The following TXLNB variants were observed in gnomAD, a reference collection of about 807,000 sequenced individuals.
TXLNB encodes taxilin beta, also known as beta-taxilin.
A neutral mutation model predicts 57.4 loss-of-function variants in TXLNB; 37 were observed. The observed-to-expected ratio is 0.64, with a 90% CI of 0.50 to 0.85. The LOEUF is 0.85. Among genes scored for constraint, TXLNB ranks in the 40% least tolerant of loss-of-function variants. The probability of loss-of-function intolerance (pLI) is 0.00; values close to 1 mark genes in which losing one functional copy is unlikely to be tolerated. For missense variants in TXLNB, 848 were observed against 825.6 expected, an observed-to-expected ratio of 1.03 and a Z score of -0.33; for synonymous variants, 302 against 309.6, an observed-to-expected ratio of 0.98 and a Z score of 0.26.
At position 139,240,452 on chromosome 6, in the gene TXLNB, C is replaced by A. The variant is rs1194661320; in HGVS notation, c.*2074G>T. The A allele has an allele frequency of 6.6e-6, 1 of 152,570 alleles. No individual in the cohort carries two copies. Among genetic ancestry groups the A allele is most frequent in the East Asian group, 1.9e-4 (1 of 5,194 alleles). 9.5% of individuals were successfully genotyped at this position (152,570 alleles called of 1,614,324 possible). A position where few individuals can be genotyped will look rare whatever the true frequency, so the allele number is the denominator to read the frequency against. The stretch of plus-strand genomic sequence containing the variant: ...GGGTTTTAGAATATTTGATTTACTG[C>A]CTTTGGGTTCCTCTGCTGCCTGTTT... On this transcript the variant is annotated 3_prime_UTR_variant, in exon 10 of 10. Transcript: ENST00000358430.
chr6:139,296,767 C>G (rs545990803), upstream of TXLNB, among the ~76,000 whole-genome samples: 1 of 152,080 alleles, frequency 6.6e-6, no homozygotes, highest in Non-Finnish European at 1.5e-5. Flanking sequence ...AACAAACAAG[C>G]CAGGTGTGAT....
At chr6:139,213,273 C>T in the TXLNB span, among the ~76,000 whole-genome samples, 4 of 152,266 alleles carry the variant, frequency 2.6e-5, 1 homozygote, top group Admixed American at 1.3e-4. Context: ...TTATAACAAA[C>T]GGTCTCTCGG....
At chr6:139,231,054 C>T in the TXLNB span, among the ~76,000 whole-genome samples, 10 of 152,168 alleles carry the variant, frequency 6.6e-5, no homozygotes, top group African/African-American at 2.4e-4. Context: ...TCCCAGAAAA[C>T]TGCACATACC....
Position 139,255,388 on chromosome 6 carries a change from T to C in TXLNB, c.1077+176A>G, listed in dbSNP as rs184706416. 69 of 681,218 alleles carry C rather than the reference T, an allele frequency of 1.0e-4. 2 individuals are homozygous for C. Among genetic ancestry groups the C allele is most frequent in the African/African-American group, 9.3e-4 (52 of 56,028 alleles). The allele number at this position is 681,218 out of a possible 1,614,324, so 42.2% of individuals were successfully genotyped here. On this transcript the variant is annotated intron_variant, in intron 7 of 9. Coordinates refer to ENST00000358430, the MANE Select transcript of TXLNB (RefSeq NM_153235.4). ...CATTTCTTTTTCATAGATATAATAT[T>C]GTGCTTTTATTTTTACTTGAAAATA...
the TXLNB span, among the ~76,000 whole-genome samples, chr6:139,213,263 T>G: frequency 6.6e-6 from 1 of 152,100 alleles, no homozygotes; most frequent in Non-Finnish European, 1.5e-5. Flanking sequence ...AGAACAGAAA[T>G]TATAACAAAC....
At chr6:139,237,856 A>G (rs1582982392), downstream of TXLNB, among the ~76,000 whole-genome samples, 1 of 152,206 alleles carries the variant, frequency 6.6e-6, no homozygotes, top group Non-Finnish European at 1.5e-5. Context: ...AAAATTCAGC[A>G]GGAAGAAGGA....
At chr6:139,166,466 C>T in the TXLNB span, 2 of 1,614,142 alleles carry the variant, frequency 1.2e-6, no homozygotes, top group Admixed American at 1.7e-5. Flanking sequence ...CGGCCGCGCG[C>T]GCAGCTGGAA....
chr6:139,320,249 A>G, the TXLNB span, among the ~76,000 whole-genome samples: 1 of 152,204 alleles, frequency 6.6e-6, no homozygotes, highest in African/African-American at 2.4e-5. Flanking sequence ...GTCCTAATTC[A>G]TCAATTTGGG....
chr6:139,245,000 G>A (rs902688853), intron 8 of TXLNB, among the ~76,000 whole-genome samples: 1 of 152,198 alleles, frequency 6.6e-6, no homozygotes, highest in Non-Finnish European at 1.5e-5. Flanking sequence ...CCATGAACAA[G>A]CCTGTAATTT....
the TXLNB span, among the ~76,000 whole-genome samples, chr6:139,310,970 C>T: frequency 1.3e-5 from 2 of 152,258 alleles, no homozygotes; most frequent in Non-Finnish European, 2.9e-5. Flanking sequence ...GCTGGGATTA[C>T]AGGCGTGAGC....
chr6:139,323,102 T>C, the TXLNB span, among the ~76,000 whole-genome samples: 4,842 of 152,240 alleles, frequency 0.032, 257 homozygotes, highest in African/African-American at 0.11. Context: ...CAGTAAGAAG[T>C]TTCATTTTGG....
chr6:139,252,652 C>A (rs1776237878), intron 7 of TXLNB, among the ~76,000 whole-genome samples: 1 of 152,190 alleles, frequency 6.6e-6, no homozygotes, highest in Non-Finnish European at 1.5e-5. Flanking sequence ...TGAATAGCAT[C>A]TTGAGATCAT....
At chr6:139,212,127 A>C in the TXLNB span, among the ~76,000 whole-genome samples, 2 of 152,202 alleles carry the variant, frequency 1.3e-5, no homozygotes, top group African/African-American at 2.4e-5. Flanking sequence ...AATACAGAGA[A>C]CACCACAAAG....
chr6:139,256,217 CACA>C (rs1302444500), intron 6 of TXLNB, among the ~76,000 whole-genome samples: 1 of 152,194 alleles, frequency 6.6e-6, no homozygotes, highest in Non-Finnish European at 1.5e-5. Context: ...AACTTCCCAC[CACA>C]TTCTGGAACC....
the TXLNB span, among the ~76,000 whole-genome samples, chr6:139,310,952 C>G: frequency 6.6e-6 from 1 of 152,208 alleles, no homozygotes; most frequent in African/African-American, 2.4e-5. Flanking sequence ...GCCTCAGTCT[C>G]CCAAAATGCT....
intron 2 of TXLNB, among the ~76,000 whole-genome samples, chr6:139,280,569 G>A (rs1777022226): frequency 6.6e-6 from 1 of 152,196 alleles, no homozygotes; most frequent in Non-Finnish European, 1.5e-5. Context: ...GCTTGAACCT[G>A]AGAGGCAGAG....
chr6:139,163,054 G>A, the TXLNB span, among the ~76,000 whole-genome samples: 2 of 152,172 alleles, frequency 1.3e-5, no homozygotes, highest in Admixed American at 1.3e-4. Context: ...CGCTGGAGCT[G>A]TTCTCCGTGA....
chr6:139,210,507 C>T, the TXLNB span, among the ~76,000 whole-genome samples: 2 of 152,114 alleles, frequency 1.3e-5, no homozygotes, highest in South Asian at 4.1e-4. Flanking sequence ...TGGGTGGAGC[C>T]AAGATGGCCG....
At chr6:139,164,806 C>T in the TXLNB span, among the ~76,000 whole-genome samples, 2 of 151,212 alleles carry the variant, frequency 1.3e-5, no homozygotes, top group Non-Finnish European at 3.0e-5. Flanking sequence ...CCCCCCACCG[C>T]TCATACAACC....
Sources: gnomAD v4.1 joint callset for allele counts (sites outside exome capture counted in the v4.1 genomes callset) on GRCh38, gnomAD v4.1.1 for gene constraint, MANE v1.5 for transcripts, NCBI Gene and HGNC (gene_info 2026-07-23, HGNC 2026-07-21) for gene names.